The following RASSF3 variants were observed in gnomAD, a reference collection of about 807,000 sequenced individuals.
RASSF3 encodes ras association domain-containing protein 3.
RASSF3 carries 19 observed loss-of-function variants against 19.9 expected under a neutral mutation model. That is an observed-to-expected ratio of 0.96 (90% CI 0.67 to 1.40). The LOEUF is 1.40. Ranked by LOEUF, RASSF3 falls within the 40% of genes most tolerant of loss-of-function variation. The pLI, the probability that RASSF3 is intolerant of heterozygous loss-of-function variation, is 0.00. For missense variants in RASSF3, 306 were observed against 289.8 expected (o/e 1.06, Z -0.41); for synonymous variants, 110 against 104.2 (o/e 1.06, Z -0.34).
upstream of RASSF3, among the ~76,000 whole-genome samples, chr12:64,529,538 C>T (rs1459688982): frequency 2.0e-5 from 3 of 152,170 alleles, no homozygotes; most frequent in Non-Finnish European, 2.9e-5. Context: ...GAGAGCCATC[C>T]TGCAACCATG....
At chr12:64,680,700 G>A (rs1272389590) in intron 1 of RASSF3, among the ~76,000 whole-genome samples, 4 of 151,648 alleles carry the variant, frequency 2.6e-5, no homozygotes, top group Non-Finnish European at 5.9e-5. Flanking sequence ...TGCGATCTCC[G>A]CCTCCCGGTT....
intron 1 of RASSF3, among the ~76,000 whole-genome samples, chr12:64,644,790 T>C (rs959957093): frequency 1.3e-5 from 2 of 152,194 alleles, no homozygotes; most frequent in Non-Finnish European, 2.9e-5. Context: ...CAGATACATA[T>C]GCCATGTTTA....
chr12:64,526,305 T>A (rs1868585284), intron 1 of RASSF3, among the ~76,000 whole-genome samples: 1 of 152,030 alleles, frequency 6.6e-6, no homozygotes, highest in Non-Finnish European at 1.5e-5. Flanking sequence ...ATATACTTAT[T>A]TTTTTGTGGT....
intron 1 of RASSF3, among the ~76,000 whole-genome samples, chr12:64,674,239 A>G (rs1872799841): frequency 6.6e-6 from 1 of 152,186 alleles, no homozygotes; most frequent in East Asian, 1.9e-4. Flanking sequence ...AGATTCATTC[A>G]GTTTTGAGAA....
chr12:64,635,922 A>G (rs918418835), intron 1 of RASSF3, among the ~76,000 whole-genome samples: 1 of 152,182 alleles, frequency 6.6e-6, no homozygotes, highest in Non-Finnish European at 1.5e-5. Context: ...CAGATTATGA[A>G]AATAGGCAGT....
intron 4 of RASSF3, among the ~76,000 whole-genome samples, chr12:64,692,739 T>G (rs1051250927): frequency 6.6e-6 from 1 of 152,214 alleles, no homozygotes; most frequent in Admixed American, 6.5e-5. Context: ...TTGGTTATTT[T>G]ATTGTATTTT....
chr12:64,559,887 CT>C (rs1453492283), intron 2 of RASSF3, among the ~76,000 whole-genome samples: 1 of 152,208 alleles, frequency 6.6e-6, no homozygotes, highest in Non-Finnish European at 1.5e-5. Flanking sequence ...TATATAATCT[CT>C]TTTTTCCCTA....
At chr12:64,694,250 C>T (rs533329190) in intron 4 of RASSF3, among the ~76,000 whole-genome samples, 6 of 152,018 alleles carry the variant, frequency 3.9e-5, no homozygotes, top group African/African-American at 1.4e-4. Context: ...GCATAAGAGC[C>T]GAGTGAGGAG....
At chr12:64,638,979 G>A (rs1871419788) in intron 1 of RASSF3, among the ~76,000 whole-genome samples, 1 of 152,154 alleles carries the variant, frequency 6.6e-6, no homozygotes, top group Non-Finnish European at 1.5e-5. Context: ...CCTTTTGCAT[G>A]TGTGAGAGAC....
chr12:64,569,385 C>T (rs1347747574), intron 2 of RASSF3, among the ~76,000 whole-genome samples: 1 of 152,234 alleles, frequency 6.6e-6, no homozygotes, highest in African/African-American at 2.4e-5. Flanking sequence ...GGATTTCAGC[C>T]TCTTCTTGGC....
chr12:64,646,151 A>G (rs546527251), intron 1 of RASSF3, among the ~76,000 whole-genome samples: 16 of 152,330 alleles, frequency 1.1e-4, no homozygotes, highest in African/African-American at 1.9e-4. Flanking sequence ...TGGATTGTCA[A>G]TCAGCTGCTT....
At chr12:64,525,011 C>T (rs181051186) in intron 1 of RASSF3, among the ~76,000 whole-genome samples, 10 of 152,318 alleles carry the variant, frequency 6.6e-5, no homozygotes, top group African/African-American at 2.2e-4. Flanking sequence ...CACAGTGGCT[C>T]ACACCTGTAC....
intron 3 of RASSF3, 143 bp from the exon 4 acceptor site, chr12:64,691,327 A>T (rs1219095026): frequency 1.6e-6 from 1 of 638,314 alleles, no homozygotes. Context: ...TACTGGTATT[A>T]AATAATAAGA....
chr12:64,511,004 T>C (rs1377122273), intron 1 of RASSF3, among the ~76,000 whole-genome samples: 1 of 152,216 alleles, frequency 6.6e-6, no homozygotes, highest in Non-Finnish European at 1.5e-5. Flanking sequence ...ATCTCTCTGA[T>C]GTGAGCTTTC....
At chr12:64,587,145 CT>C (rs869280325) in intron 2 of RASSF3, among the ~76,000 whole-genome samples, 5 of 66 alleles carry the variant, frequency 0.076, no homozygotes, top group Non-Finnish European at 0.15. Flanking sequence ...CCTCCGCCTC[CT>C]AGGGTTCAAG....
chr12:64,583,043 T>C (rs1869730189), intron 2 of RASSF3, among the ~76,000 whole-genome samples: 1 of 152,138 alleles, frequency 6.6e-6, no homozygotes, highest in Admixed American at 6.6e-5. Flanking sequence ...CCTTTTGTTC[T>C]CTTGCAAGAC....
At chr12:64,584,089 T>C (rs991295390) in intron 2 of RASSF3, among the ~76,000 whole-genome samples, 23 of 152,284 alleles carry the variant, frequency 1.5e-4, no homozygotes, top group Middle Eastern at 3.4e-3. Flanking sequence ...TCAACAACAA[T>C]TAAAACCTTC....
At chr12:64,650,070 C>T (rs1871885408) in intron 1 of RASSF3, among the ~76,000 whole-genome samples, 2 of 152,122 alleles carry the variant, frequency 1.3e-5, no homozygotes, top group South Asian at 2.1e-4. Context: ...TTTAGTGGGA[C>T]CATTTATTTG....
At chr12:64,647,044 A>G (rs1395122325) in intron 1 of RASSF3, among the ~76,000 whole-genome samples, 2 of 152,150 alleles carry the variant, frequency 1.3e-5, no homozygotes, top group Non-Finnish European at 2.9e-5. Context: ...ATTTTAATCT[A>G]GGTCTGTCTA....
Sources: allele counts gnomAD v4.1 joint callset (sites outside exome capture counted in the v4.1 genomes callset), GRCh38; gene constraint gnomAD v4.1.1; transcripts MANE v1.5; gene names NCBI Gene and HGNC (gene_info 2026-07-23, HGNC 2026-07-21).